Variants in SSRP1 observed in about 807,000 individuals in gnomAD.
SSRP1 encodes structure specific recognition protein 1.
Under a neutral mutation model 84.4 loss-of-function variants are expected in SSRP1, and 21 were observed. That is an observed-to-expected ratio of 0.25 (90% CI 0.18 to 0.36). The LOEUF (loss-of-function observed/expected upper bound fraction) is 0.36, where lower values mean the gene tolerates loss of function less well. SSRP1 is among the 10% of genes least tolerant of loss of function. The pLI is 1.00. For missense variants in SSRP1, 519 were observed against 900.8 expected, an observed-to-expected ratio of 0.58 and a Z score of 5.43; for synonymous variants, 319 against 318.3, an observed-to-expected ratio of 1.00 and a Z score of -0.02.
chr11:57,330,716 G>A lies in SSRP1; in HGVS notation c.1296+139C>T, dbSNP rs963449675. 9.6e-5 allele frequency: 144 copies of A among 1,500,420 alleles called. No individual in the cohort carries two copies. The highest frequency in any genetic ancestry group is 9.3e-4 in the Admixed American group (43 of 46,366). 92.9% of individuals were successfully genotyped at this position (1,500,420 alleles called of 1,614,324 possible). On this transcript the variant is annotated intron_variant, in intron 10 of 16. Coordinates refer to ENST00000278412, the MANE Select transcript of SSRP1 (RefSeq NM_003146.3). The surrounding 1 kb of genome is among the most constrained non-coding windows in gnomAD (Gnocchi z 4.0). ...CAGAGGAAACCTGCACCAGGAGGGGGAAAGGGTCACACGCACCTCTTTTTT... is the reference window on the plus strand; with the variant it reads ...CAGAGGAAACCTGCACCAGGAGGGGAAAAGGGTCACACGCACCTCTTTTTT...
chr11:57,326,224 T>G lies in SSRP1; in HGVS notation c.*183A>C, dbSNP rs1254223942. The G allele has an allele frequency of 6.4e-6, 4 of 621,882 alleles. 1 individual carries two copies. Among genetic ancestry groups the G allele is most frequent in the Non-Finnish European group, 1.1e-5 (4 of 353,868 alleles). The allele number at this position is 621,882 out of a possible 1,614,324, so 38.5% of individuals were successfully genotyped here. ...CTCCCCAAATTATAAACAGCCATCC[T>G]TGGGAAGCAGCAGAGTTAAGACGTC... On this transcript the variant is annotated 3_prime_UTR_variant, in exon 17 of 17. Coordinates refer to ENST00000278412, the MANE Select transcript of SSRP1 (RefSeq NM_003146.3).
Position 57,330,310 on chromosome 11 carries a change from A to G in SSRP1, c.1416T>C (p.Asp472=). Residue 472 remains aspartate (D), a synonymous_variant, in exon 11 of 17, where the codon GAT becomes GAC. Transcript: ENST00000278412. The surrounding 1 kb of genome is among the most constrained non-coding windows in gnomAD (Gnocchi z 4.0). ...IREENANDSS[D]DSGEETDESF... Reference sequence around the variant, plus strand: ...ACCCACCGGTTTCTTCTCCTGAGTCATCGCTGCTGTCATTGGCATTCTCCT... The same window carrying G: ...ACCCACCGGTTTCTTCTCCTGAGTCGTCGCTGCTGTCATTGGCATTCTCCT... 6.2e-7 allele frequency: 1 copy of G among 1,614,216 alleles called. No homozygotes were observed. Among genetic ancestry groups the G allele is most frequent in the Non-Finnish European group, 8.5e-7 (1 of 1,180,044 alleles).
chr11:57,331,622 G>A (rs1252068683), intron 9 of SSRP1, 46 bp downstream of exon 9: 13 of 1,527,394 alleles, frequency 8.5e-6, no homozygotes, highest in Non-Finnish European at 1.2e-5. Flanking sequence ...AGACAAAGCT[G>A]GCTCGGGACC....
intron 14 of SSRP1, 74 bp from the exon 15 acceptor site, chr11:57,327,588 A>G (rs970075652): frequency 6.2e-7 from 1 of 1,605,700 alleles, no homozygotes; most frequent in African/African-American, 1.3e-5. Context: ...TGCAGGCAAA[A>G]TCGATACAGA....
rs548363700 is a variant in SSRP1 at position 57,327,449 on chromosome 11, C to A, written c.1848G>T (p.Gly616=). 1.2e-5 allele frequency: 20 copies of A among 1,614,158 alleles called. No homozygotes were observed. In the African/African-American group the frequency reaches 2.0e-4, roughly 16 times the overall value. The change falls in exon 15 of 17, where the codon GGG becomes GGT. Residue 616 remains glycine (G), a synonymous_variant. Transcript: ENST00000278412. The part of the protein sequence containing the change: ...DYEKAMKEYE[G]GRGESSKRDK... ...ACCTCTTAGAAGACTCGCCTCGGCCCCCTTCATATTCTTTCATGGCTTTTT... is the reference window on the plus strand; with the variant it reads ...ACCTCTTAGAAGACTCGCCTCGGCCACCTTCATATTCTTTCATGGCTTTTT...
Position 57,330,151 on chromosome 11 carries a change from A to C in SSRP1, c.1436-13T>G. The stretch of plus-strand genomic sequence containing the variant: ...TTGAATGACTCATCTGAAAAAGGGC[A>C]CAGGATGCATCAGCTTCTGCCCCAA... On this transcript the variant is annotated splice_polypyrimidine_tract_variant and intron_variant, in intron 11 of 16. Coordinates refer to ENST00000278412, the MANE Select transcript of SSRP1 (RefSeq NM_003146.3). This position sits in a 1 kb window ranked among gnomAD's most constrained non-coding sequence, Gnocchi z 4.0. 6.2e-7 allele frequency: 1 copy of C among 1,614,166 alleles called. No homozygotes were observed. Among genetic ancestry groups the C allele is most frequent in the Non-Finnish European group, 8.5e-7 (1 of 1,180,018 alleles).
In SSRP1 at chr11:57,326,804, AGGACGACTT is replaced by A. The variant is rs750479466; in HGVS notation, c.1948_1956del (p.Lys650_Ser652del). ...TTGAAGCTCTCGCTTAGCTGCCTTG[AGGACGACTT>A]GGATGATGAGCCCCTAGAGGGCGTG... On this transcript the variant is annotated inframe_deletion, in exon 16 of 17. Transcript: ENST00000278412. The A allele has an allele frequency of 2.5e-6, 4 of 1,614,266 alleles. No homozygotes were observed. The highest frequency in any genetic ancestry group is 3.4e-6 in the Non-Finnish European group (4 of 1,180,046).
At chr11:57,326,634 G>C (rs911710821) in intron 16 of SSRP1, 69 bp downstream of exon 16, 7 of 1,586,008 alleles carry the variant, frequency 4.4e-6, no homozygotes, top group Admixed American at 1.7e-5. Flanking sequence ...TACTCTTACA[G>C]ACCAACCCCA....
rs1214478111 is a variant in SSRP1 at position 57,332,289 on chromosome 11, A to C, written c.873-9T>G. Reference sequence around the variant, plus strand: ...GCTTCTCCACTTCTTCCCTACAAAGAAAGCAAGGTGAGGTCACAACACTAC... The same window carrying C: ...GCTTCTCCACTTCTTCCCTACAAAGCAAGCAAGGTGAGGTCACAACACTAC... On this transcript the variant is annotated splice_polypyrimidine_tract_variant and intron_variant, in intron 7 of 16. Transcript: ENST00000278412. This position sits in a 1 kb window ranked among gnomAD's most constrained non-coding sequence, Gnocchi z 5.5. 4 of 1,613,988 alleles carry C rather than the reference A, an allele frequency of 2.5e-6. No individual in the cohort carries two copies. The highest frequency in any genetic ancestry group is 1.3e-5 in the African/African-American group (1 of 74,908).
In SSRP1 at chr11:57,335,056, A is replaced by C. The variant is rs746762713; in HGVS notation, c.54+12T>G. Reference sequence around the variant, plus strand: ...TCTCTCTACTTGTATCACCTGTCCAAGCCATTCTCACCATGGAACCTTTCA... The same window carrying C: ...TCTCTCTACTTGTATCACCTGTCCACGCCATTCTCACCATGGAACCTTTCA... On this transcript the variant is annotated intron_variant, in intron 2 of 16. Transcript: ENST00000278412. The surrounding 1 kb of genome is among the most constrained non-coding windows in gnomAD (Gnocchi z 4.6). The C allele has an allele frequency of 3.0e-5, 48 of 1,614,032 alleles. No homozygotes were observed. The South Asian group carries it at 4.9e-4, about 17-fold the overall frequency.
rs1475792690 is a variant in SSRP1 at position 57,328,081 on chromosome 11, T to A, written c.1612-199A>T. On this transcript the variant is annotated intron_variant, in intron 13 of 16. Transcript: ENST00000278412. ...CCTAGCTTACCAGGACAGAAGCCCA[T>A]CTCCTAATTCAGACCTTCCAGAAGC... 25 of 947,832 alleles carry A rather than the reference T, an allele frequency of 2.6e-5. No homozygotes were observed. In the East Asian group the frequency reaches 6.6e-4, roughly 25 times the overall value. The allele number at this position is 947,832 out of a possible 1,614,324, so 58.7% of individuals were successfully genotyped here. A position where few individuals can be genotyped will look rare whatever the true frequency, so the allele number is the denominator to read the frequency against.
At position 57,330,752 on chromosome 11, in the gene SSRP1, A is replaced by G; in HGVS notation, c.1296+103T>C. On this transcript the variant is annotated intron_variant, in intron 10 of 16. Coordinates refer to ENST00000278412, the MANE Select transcript of SSRP1 (RefSeq NM_003146.3). The surrounding 1 kb of genome is among the most constrained non-coding windows in gnomAD (Gnocchi z 4.0). ...ACGCACCTCTTTTTTCTATAAGGGT[A>G]AGAAGAGAAGAAAGAGTGAAAAAGA... The G allele has an allele frequency of 1.3e-6, 2 of 1,585,694 alleles. No homozygotes were observed. The highest frequency in any genetic ancestry group is 2.3e-5 in the East Asian group (1 of 44,352).
rs1856062039 is a variant in SSRP1, at chr11:57,330,226, G to A, written c.1435+65C>T. The A allele has an allele frequency of 1.2e-6, 2 of 1,614,060 alleles. No homozygotes were observed. The highest frequency in any genetic ancestry group is 1.7e-5 in the Admixed American group (1 of 60,034). On this transcript the variant is annotated intron_variant, in intron 11 of 16. Coordinates refer to ENST00000278412, the MANE Select transcript of SSRP1 (RefSeq NM_003146.3). The surrounding 1 kb of genome is among the most constrained non-coding windows in gnomAD (Gnocchi z 4.0). ...GCACCCAGCTCTGGCCCAAGGGTGAGTCCAGCCCGGGCCACAGCGAGGAGC... is the reference window on the plus strand; with the variant it reads ...GCACCCAGCTCTGGCCCAAGGGTGAATCCAGCCCGGGCCACAGCGAGGAGC...
intron 4 of SSRP1, 99 bp from the exon 5 acceptor site, chr11:57,333,248 G>A: frequency 7.2e-7 from 1 of 1,380,396 alleles, no homozygotes; most frequent in Non-Finnish European, 1.0e-6. Flanking sequence ...GGATACTGCG[G>A]TTAGTCTGTT....
In SSRP1 at chr11:57,333,552, G is replaced by T; in HGVS notation, c.241-12C>A. The T allele has an allele frequency of 6.3e-7, 1 of 1,599,888 alleles. No homozygotes were observed. The highest frequency in any genetic ancestry group is 8.6e-7 in the Non-Finnish European group (1 of 1,167,536). Reference sequence around the variant, plus strand: ...AGTTTCTCAAACTCCTGTGGGTGGAGGGAAGAAAGCACAATCCCAGTAAAC... The same window carrying T: ...AGTTTCTCAAACTCCTGTGGGTGGATGGAAGAAAGCACAATCCCAGTAAAC... On this transcript the variant is annotated splice_polypyrimidine_tract_variant and intron_variant, in intron 3 of 16. Transcript: ENST00000278412.
chr11:57,332,034 A>G lies in SSRP1; in HGVS notation c.1001+118T>C. On this transcript the variant is annotated intron_variant, in intron 8 of 16. Transcript: ENST00000278412. The surrounding 1 kb of genome is among the most constrained non-coding windows in gnomAD (Gnocchi z 5.5). ...GACAGAGGCGCTGGCACCTATTGTG[A>G]CACAAGGTCCCATCCAGGCCTCTAG... The G allele has an allele frequency of 6.4e-7, 1 of 1,555,852 alleles. No individual in the cohort carries two copies. Among genetic ancestry groups the G allele is most frequent in the South Asian group, 1.2e-5 (1 of 84,214 alleles).
At chr11:57,327,180 T>G (rs1856002832) in intron 15 of SSRP1, 1 of 656,726 alleles carries the variant, frequency 1.5e-6, no homozygotes, top group Non-Finnish European at 2.6e-6. Flanking sequence ...AATAGTATTT[T>G]TTTCGTTCCC....
At position 57,327,520 on chromosome 11, in the gene SSRP1, T is replaced by C; in HGVS notation, c.1783-6A>G. The C allele has an allele frequency of 6.2e-7, 1 of 1,613,898 alleles. No individual in the cohort carries two copies. The highest frequency in any genetic ancestry group is 1.6e-4 in the Middle Eastern group (1 of 6,062). ...TCAGCCTTGCGATCCCACTCCTGTC[T>C]CACACACAGAAAAAAACAGTTAAGA... On this transcript the variant is annotated splice_region_variant and splice_polypyrimidine_tract_variant and intron_variant, in intron 14 of 16. Coordinates refer to ENST00000278412, the MANE Select transcript of SSRP1 (RefSeq NM_003146.3).
Position 57,332,827 on chromosome 11 carries a change from G to T in SSRP1, c.566C>A (p.Ala189Glu), listed in dbSNP as rs765647715. ...EAFAQNVLSK[A>E]DVIQATGDAI... is the part of the protein sequence containing the mutation. ...ATCTCCCGTGGCCTGGATTACATCC[G>T]CCTTTGACAACACATTCTGGGCAAA... Residue 189 changes from alanine to glutamate, a missense_variant, in exon 6 of 17, where the codon GCG (alanine) becomes GAG (glutamate). By Grantham distance (107) the Ala-to-Glu change is moderately radical. Coordinates refer to ENST00000278412, the MANE Select transcript of SSRP1 (RefSeq NM_003146.3). This position sits in a 1 kb window ranked among gnomAD's most constrained non-coding sequence, Gnocchi z 5.5. The T allele has an allele frequency of 6.2e-7, 1 of 1,613,254 alleles. No homozygotes were observed. Among genetic ancestry groups the T allele is most frequent in the African/African-American group, 1.3e-5 (1 of 75,016 alleles).
Sources: allele counts gnomAD v4.1 joint callset, GRCh38; gene constraint gnomAD v4.1.1; non-coding constraint Gnocchi (gnomAD v3.1); transcripts MANE v1.5; gene names NCBI Gene and HGNC (gene_info 2026-07-23, HGNC 2026-07-21).